Variants in LPP observed in about 807,000 individuals in gnomAD.
The protein encoded by LPP is lipoma-preferred partner.
In LPP, 38 loss-of-function variants were observed where a neutral mutation model predicts 60.4. The ratio of observed to expected loss-of-function variants is 0.63; its 90% CI spans 0.49 to 0.83. The LOEUF (loss-of-function observed/expected upper bound fraction) is 0.83, where lower values mean the gene tolerates loss of function less well. LPP is among the 40% of genes least tolerant of loss of function. The pLI is 0.00. For missense variants in LPP, 902 were observed against 783.6 expected (o/e 1.15, Z -1.80); for synonymous variants, 328 against 290.8 (o/e 1.13, Z -1.30).
intron 2 of LPP, among the ~76,000 whole-genome samples, chr3:188,325,997 C>A (rs767193879): frequency 1.3e-5 from 2 of 152,018 alleles, no homozygotes; most frequent in African/African-American, 2.4e-5. Context: ...AAAATACCCT[C>A]GACTTTTTCT....
At chr3:188,713,423 A>G (rs1712450365) in intron 8 of LPP, among the ~76,000 whole-genome samples, 2 of 152,168 alleles carry the variant, frequency 1.3e-5, no homozygotes, top group Non-Finnish European at 2.9e-5. Flanking sequence ...TTGGTAACAA[A>G]CTTAGAGAAA....
intron 2 of LPP, among the ~76,000 whole-genome samples, chr3:188,277,050 C>T (rs1457389976): frequency 2.6e-5 from 4 of 151,592 alleles, no homozygotes; most frequent in South Asian, 2.1e-4. Context: ...CTTATAGGCA[C>T]GTACCACCAT....
At chr3:188,368,525 T>C (rs1159641815) in intron 3 of LPP, among the ~76,000 whole-genome samples, 4 of 152,166 alleles carry the variant, frequency 2.6e-5, no homozygotes, top group African/African-American at 7.2e-5. Flanking sequence ...CAAGTCTTTT[T>C]ATTAGTTACT....
chr3:188,443,780 CA>C (rs1165200073), intron 4 of LPP, among the ~76,000 whole-genome samples: 2 of 152,202 alleles, frequency 1.3e-5, no homozygotes, highest in Non-Finnish European at 2.9e-5. Flanking sequence ...GGGTTGCCAT[CA>C]GAACCTTAAT....
In LPP at chr3:188,434,067, G is replaced by A. The variant is rs141127706; in HGVS notation, c.193+27754G>A. On this transcript the variant is annotated intron_variant, in intron 4 of 11. Transcript: ENST00000617246. The stretch of plus-strand genomic sequence containing the variant: ...TGTTGAGAAGTAATAGGAAGACGAA[G>A]TCTACAGATGCTGTGATTAGTGTTC... Among the ~76,000 whole-genome samples, 92 of 152,236 alleles carry A rather than the reference G, an allele frequency of 6.0e-4. No homozygotes were observed. In the East Asian group the frequency reaches 6.4e-3, roughly 11 times the overall value.
chr3:188,169,908 T>G (rs1721056101), intron 1 of LPP, among the ~76,000 whole-genome samples: 1 of 152,074 alleles, frequency 6.6e-6, no homozygotes. Flanking sequence ...AGACATAGAG[T>G]CTTTTAACTG....
intron 4 of LPP, among the ~76,000 whole-genome samples, chr3:188,471,865 G>A (rs1801930548): frequency 6.6e-6 from 1 of 152,180 alleles, no homozygotes; most frequent in South Asian, 2.1e-4. Context: ...CTGGATAAAG[G>A]CAGCTTCATG....
intron 6 of LPP, among the ~76,000 whole-genome samples, chr3:188,536,918 C>G (rs1240014255): frequency 6.6e-6 from 1 of 152,118 alleles, no homozygotes; most frequent in Admixed American, 6.5e-5. Flanking sequence ...AGCTTCTTAC[C>G]ATTCAGGAAT....
intron 4 of LPP, among the ~76,000 whole-genome samples, chr3:188,483,670 T>C (rs1265389432): frequency 6.6e-6 from 1 of 152,150 alleles, no homozygotes; most frequent in Non-Finnish European, 1.5e-5. Context: ...ACTCCCTCAA[T>C]AACTCTGACA....
At chr3:188,705,083 G>A (rs1036142920) in intron 7 of LPP, among the ~76,000 whole-genome samples, 6 of 152,166 alleles carry the variant, frequency 3.9e-5, no homozygotes, top group South Asian at 4.1e-4. Context: ...TTTATCACTT[G>A]AAGTCATCAT....
At chr3:188,154,352 C>T (rs965984858) in intron 1 of LPP, among the ~76,000 whole-genome samples, 100 bp downstream of exon 1, 1 of 152,054 alleles carries the variant, frequency 6.6e-6, no homozygotes, top group Non-Finnish European at 1.5e-5. Flanking sequence ...GTGGCAAGAG[C>T]GCAGGGCGCG....
chr3:188,473,512 G>A (rs1216760270), intron 4 of LPP, among the ~76,000 whole-genome samples: 4 of 152,162 alleles, frequency 2.6e-5, no homozygotes, highest in Admixed American at 6.6e-5. Context: ...CAAGGTCCTT[G>A]TCTGGGTCCC....
intron 7 of LPP, among the ~76,000 whole-genome samples, chr3:188,627,959 C>A (rs1029208887): frequency 1.3e-5 from 2 of 152,094 alleles, no homozygotes; most frequent in Non-Finnish European, 2.9e-5. Context: ...ATACTAAGAT[C>A]TCTCAAAACC....
rs1038619800 is a variant in LPP, at chr3:188,885,588, G to T, written c.*11109G>T. On this transcript the variant is annotated 3_prime_UTR_variant, in exon 12 of 12. Transcript: ENST00000617246. Reference sequence around the variant, plus strand: ...AGTCTTTGCTATTGTGAATAGTGCCGCAATAAACATAAGTGTGCATGTGTC... The same window carrying T: ...AGTCTTTGCTATTGTGAATAGTGCCTCAATAAACATAAGTGTGCATGTGTC... The T allele has an allele frequency of 1.2e-5, 2 of 163,908 alleles. No individual in the cohort carries two copies. Among genetic ancestry groups the T allele is most frequent in the African/African-American group, 4.8e-5 (2 of 41,780 alleles). 10.2% of individuals were successfully genotyped at this position (163,908 alleles called of 1,614,324 possible).
intron 2 of LPP, among the ~76,000 whole-genome samples, chr3:188,338,534 G>A (rs1762260121): frequency 6.6e-6 from 1 of 152,204 alleles, no homozygotes; most frequent in Non-Finnish European, 1.5e-5. Flanking sequence ...ACTGTGAAAA[G>A]AGAAACACAG....
intron 10 of LPP, among the ~76,000 whole-genome samples, chr3:188,866,763 A>T (rs1248659289): frequency 6.6e-6 from 1 of 152,210 alleles, no homozygotes; most frequent in Non-Finnish European, 1.5e-5. Context: ...TCTTTAGATC[A>T]AACCCTCTCT....
At chr3:188,725,830 G>C (rs779872611) in intron 8 of LPP, among the ~76,000 whole-genome samples, 2 of 152,112 alleles carry the variant, frequency 1.3e-5, no homozygotes, top group Non-Finnish European at 2.9e-5. Context: ...AGTGGAGAAA[G>C]ATTTTCTGAC....
intron 6 of LPP, among the ~76,000 whole-genome samples, chr3:188,542,552 A>T (rs114950934): frequency 1.4e-3 from 217 of 152,276 alleles, no homozygotes; most frequent in African/African-American, 5.1e-3. Flanking sequence ...GAAGCTTGTC[A>T]TTTAGCCATT....
intron 8 of LPP, among the ~76,000 whole-genome samples, chr3:188,719,215 T>C (rs1715335513): frequency 6.6e-6 from 1 of 152,254 alleles, no homozygotes; most frequent in Non-Finnish European, 1.5e-5. Flanking sequence ...GTTTCATCTA[T>C]AGTCTTTGGT....
Sources: allele counts gnomAD v4.1 joint callset (sites outside exome capture counted in the v4.1 genomes callset), GRCh38; gene constraint gnomAD v4.1.1; transcripts MANE v1.5; gene names NCBI Gene and HGNC (gene_info 2026-07-23, HGNC 2026-07-21).